Variants in PAG1 observed in about 807,000 individuals in gnomAD.
PAG1 encodes phosphoprotein membrane anchor with glycosphingolipid microdomains 1.
PAG1 carries 23 observed loss-of-function variants against 31.7 expected under a neutral mutation model. That is an observed-to-expected ratio of 0.73 (90% CI 0.52 to 1.03). PAG1 has a LOEUF of 1.03. Ranked by LOEUF, PAG1 falls within the 50% of genes least tolerant of loss-of-function variation. PAG1 has a pLI of 0.00. For missense variants in PAG1, 473 were observed against 540.7 expected (o/e 0.87, Z 1.24); for synonymous variants, 214 against 210.3 (o/e 1.02, Z -0.15).
chr8:81,081,896 G>T (rs1809272053), intron 1 of PAG1, among the ~76,000 whole-genome samples: 1 of 152,148 alleles, frequency 6.6e-6, no homozygotes, highest in African/African-American at 2.4e-5. Context: ...TAATACACAG[G>T]TTTTTGTGAG....
chr8:81,007,605 C>G (rs1807907463), intron 3 of PAG1, among the ~76,000 whole-genome samples: 1 of 131,290 alleles, frequency 7.6e-6, no homozygotes, highest in South Asian at 2.5e-4. Context: ...CCACTGCATC[C>G]CAGCCTGGGT....
Position 81,079,485 on chromosome 8 carries a change from C to T in PAG1, c.-233-9315G>A, listed in dbSNP as rs150222884. Among the ~76,000 whole-genome samples, 449 of 152,228 alleles carry T rather than the reference C, an allele frequency of 2.9e-3. 4 individuals carry two copies. The highest frequency in any genetic ancestry group is 0.01 in the African/African-American group (424 of 41,548). ...GAGAATGTGCTAGGCATTACAAAGG[C>T]GATCAACAGGAATAACTTATTAACC... On this transcript the variant is annotated intron_variant, in intron 1 of 8. Coordinates refer to ENST00000220597, the MANE Select transcript of PAG1 (RefSeq NM_018440.4).
At chr8:81,001,678 G>T (rs1807786988) in intron 3 of PAG1, among the ~76,000 whole-genome samples, 1 of 152,182 alleles carries the variant, frequency 6.6e-6, no homozygotes, top group Non-Finnish European at 1.5e-5. Context: ...TTTACTGTGG[G>T]TTATTTTATT....
chr8:80,995,247 C>T (rs1807647879), intron 3 of PAG1, among the ~76,000 whole-genome samples: 1 of 152,212 alleles, frequency 6.6e-6, no homozygotes, highest in Non-Finnish European at 1.5e-5. Context: ...TCAACATGAA[C>T]GTCTTCTAAG....
intron 2 of PAG1, among the ~76,000 whole-genome samples, chr8:81,060,383 G>A (rs181922423): frequency 6.6e-6 from 1 of 152,252 alleles, no homozygotes; most frequent in Non-Finnish European, 1.5e-5. Flanking sequence ...GAGCAGCCAC[G>A]GATGTTTTTC....
chr8:81,098,836 T>C (rs973082296), intron 1 of PAG1, among the ~76,000 whole-genome samples: 3 of 152,114 alleles, frequency 2.0e-5, no homozygotes, highest in Non-Finnish European at 2.9e-5. Context: ...CTAAGTTAAA[T>C]GAAGTGTGTA....
intron 2 of PAG1, among the ~76,000 whole-genome samples, chr8:81,035,509 G>A (rs558149333): frequency 6.6e-6 from 1 of 152,280 alleles, no homozygotes; most frequent in South Asian, 2.1e-4. Flanking sequence ...CTGTGGGCGA[G>A]GCACAGAGAG....
At chr8:81,037,243 T>C (rs1308479322) in intron 2 of PAG1, 1 of 152,234 alleles carries the variant, frequency 6.6e-6, no homozygotes, top group African/African-American at 2.4e-5. Flanking sequence ...TGTATCCTTA[T>C]ACTATCTACA....
intron 1 of PAG1, among the ~76,000 whole-genome samples, chr8:81,087,267 C>T (rs971788095): frequency 1.1e-4 from 16 of 147,864 alleles, no homozygotes; most frequent in African/African-American, 3.0e-4. Context: ...CGCTTGAACC[C>T]AGGAGGTGGA....
At chr8:81,061,626 C>T (rs1432244090) in intron 2 of PAG1, among the ~76,000 whole-genome samples, 2 of 152,166 alleles carry the variant, frequency 1.3e-5, no homozygotes, top group East Asian at 3.8e-4. Flanking sequence ...CTAAAGAATG[C>T]CTACTCAATG....
intron 1 of PAG1, among the ~76,000 whole-genome samples, chr8:81,094,369 C>T (rs925507980): frequency 6.6e-6 from 1 of 152,146 alleles, no homozygotes; most frequent in African/African-American, 2.4e-5. Context: ...TTCTAATTAT[C>T]AGTGTGCTTT....
At chr8:81,096,299 T>C (rs1809527001) in intron 1 of PAG1, among the ~76,000 whole-genome samples, 1 of 149,864 alleles carries the variant, frequency 6.7e-6, no homozygotes, top group Non-Finnish European at 1.5e-5. Flanking sequence ...CTCTGGAAAA[T>C]GAACATGCAT....
chr8:80,999,817 A>C (rs1237345076), intron 3 of PAG1, among the ~76,000 whole-genome samples: 1 of 152,172 alleles, frequency 6.6e-6, no homozygotes, highest in African/African-American at 2.4e-5. Context: ...TGGGTAAGGA[A>C]TCACTTCTAA....
chr8:81,001,194 A>G (rs1807778987), intron 3 of PAG1, among the ~76,000 whole-genome samples: 1 of 152,236 alleles, frequency 6.6e-6, no homozygotes, highest in African/African-American at 2.4e-5. Context: ...AATTGAAATT[A>G]TGAAGCAATT....
At chr8:81,020,690 T>C (rs999913260) in intron 3 of PAG1, among the ~76,000 whole-genome samples, 4 of 152,232 alleles carry the variant, frequency 2.6e-5, no homozygotes, top group Admixed American at 1.3e-4. Context: ...AACAGACTAA[T>C]ACACGTGGCA....
intron 3 of PAG1, among the ~76,000 whole-genome samples, chr8:81,007,505 C>T (rs1290850190): frequency 1.7e-4 from 25 of 147,974 alleles, no homozygotes; most frequent in Non-Finnish European, 3.0e-5. Flanking sequence ...GGTGTGGTGG[C>T]GGGCACGTGT....
At chr8:81,029,633 A>AT (rs1335125041) in intron 3 of PAG1, among the ~76,000 whole-genome samples, 1 of 152,032 alleles carries the variant, frequency 6.6e-6, no homozygotes. Context: ...GAAACTACTC[A>AT]TTTTTTTCCT....
chr8:80,988,666 G>C (rs372684147), intron 5 of PAG1, among the ~76,000 whole-genome samples: 1 of 152,096 alleles, frequency 6.6e-6, no homozygotes, highest in Non-Finnish European at 1.5e-5. Context: ...TGCTCAGGCT[G>C]GTCTCGAACT....
At chr8:81,090,099 C>T (rs1809421855) in intron 1 of PAG1, among the ~76,000 whole-genome samples, 1 of 152,120 alleles carries the variant, frequency 6.6e-6, no homozygotes, top group Non-Finnish European at 1.5e-5. Context: ...AAAACAATCT[C>T]AAACAATTAC....
Sources: allele counts gnomAD v4.1 joint callset (sites outside exome capture counted in the v4.1 genomes callset), GRCh38; gene constraint gnomAD v4.1.1; transcripts MANE v1.5; gene names NCBI Gene and HGNC (gene_info 2026-07-23, HGNC 2026-07-21).